SLC25A48: variants seen among roughly 807,000 people sequenced by gnomAD.
SLC25A48 encodes CTC-321K16.1.
A neutral mutation model predicts 32.2 loss-of-function variants in SLC25A48; 29 were observed. That is an observed-to-expected ratio of 0.90 (90% CI 0.67 to 1.23). The LOEUF is 1.23. SLC25A48 is among the 50% of genes most tolerant of loss of function. The pLI is 0.00. For missense variants in SLC25A48, 399 were observed against 422.7 expected, an observed-to-expected ratio of 0.94 and a Z score of 0.49; for synonymous variants, 164 against 172.3, an observed-to-expected ratio of 0.95 and a Z score of 0.38.
chr5:135,864,095 G>A (rs1761010617), intron 4 of SLC25A48, among the ~76,000 whole-genome samples: 1 of 152,184 alleles, frequency 6.6e-6, no homozygotes, highest in Non-Finnish European at 1.5e-5. Flanking sequence ...GACAAGAGCA[G>A]ACAAGCTGGG....
chr5:135,758,837 A>T (rs1333057376), intron 3 of SLC25A48, among the ~76,000 whole-genome samples: 1 of 150,790 alleles, frequency 6.6e-6, no homozygotes, highest in African/African-American at 2.4e-5. Flanking sequence ...TATTAATAGA[A>T]TATTATCTAT....
At chr5:135,838,204 A>T (rs914607312) in intron 1 of SLC25A48, among the ~76,000 whole-genome samples, 6 of 152,182 alleles carry the variant, frequency 3.9e-5, no homozygotes, top group African/African-American at 1.4e-4. Flanking sequence ...GGAACTTTGA[A>T]CTTGAGAGAG....
At chr5:135,754,432 G>T (rs995751202) in intron 3 of SLC25A48, among the ~76,000 whole-genome samples, 1 of 151,806 alleles carries the variant, frequency 6.6e-6, no homozygotes, top group African/African-American at 2.4e-5. Flanking sequence ...GAGTGTTTAT[G>T]CTGTGATATT....
chr5:135,862,019 G>T (rs1026963803), intron 4 of SLC25A48, among the ~76,000 whole-genome samples: 1 of 152,234 alleles, frequency 6.6e-6, no homozygotes, highest in Non-Finnish European at 1.5e-5. Context: ...TGACAGTAAG[G>T]CACCTGTGAA....
intron 4 of SLC25A48, among the ~76,000 whole-genome samples, chr5:135,827,896 G>C (rs900769904): frequency 2.6e-5 from 4 of 152,184 alleles, no homozygotes; most frequent in African/African-American, 9.7e-5. Context: ...TGCCCCCAAA[G>C]GAACAGACAG....
At chr5:135,688,312 G>T (rs1754065639) in intron 3 of SLC25A48, among the ~76,000 whole-genome samples, 1 of 151,912 alleles carries the variant, frequency 6.6e-6, no homozygotes, top group Non-Finnish European at 1.5e-5. Context: ...GTTTCTCTCA[G>T]GCTTTTTTTT....
intron 3 of SLC25A48, among the ~76,000 whole-genome samples, chr5:135,656,259 A>G (rs1360798650): frequency 6.6e-6 from 1 of 151,108 alleles, no homozygotes; most frequent in African/African-American, 2.5e-5. Context: ...TCAGGACCAC[A>G]TTGGCCAGCA....
At chr5:135,586,838 T>C (rs1307683831) in intron 1 of SLC25A48, among the ~76,000 whole-genome samples, 2 of 152,060 alleles carry the variant, frequency 1.3e-5, no homozygotes, top group African/African-American at 4.8e-5. Context: ...GCTGAGGAGT[T>C]TGGGCTTCAT....
chr5:135,842,465 G>A lies in SLC25A48; in HGVS notation c.90+6G>A, dbSNP rs1298419985. ...ACCCTCTGGACACAGTCAAGGTACA[G>A]TAGCCATGTTTCCCATTACCTCTTA... On this transcript the variant is annotated splice_donor_region_variant and intron_variant, in intron 2 of 7. Coordinates refer to ENST00000681962, the MANE Select transcript of SLC25A48 (RefSeq NM_001349336.2). The A allele has an allele frequency of 6.2e-7, 1 of 1,613,298 alleles. No homozygotes were observed. Among genetic ancestry groups the A allele is most frequent in the African/African-American group, 1.3e-5 (1 of 74,922 alleles).
In SLC25A48 at chr5:135,842,563, C is replaced by A; in HGVS notation, c.90+104C>A. 5 of 1,219,004 alleles carry A rather than the reference C, an allele frequency of 4.1e-6. 1 individual carries two copies. In the South Asian group the frequency reaches 5.0e-5, roughly 12 times the overall value. 75.5% of individuals were successfully genotyped at this position (1,219,004 alleles called of 1,614,324 possible). A position where few individuals can be genotyped will look rare whatever the true frequency, so the allele number is the denominator to read the frequency against. On this transcript the variant is annotated intron_variant, in intron 2 of 7. Coordinates refer to ENST00000681962, the MANE Select transcript of SLC25A48 (RefSeq NM_001349336.2). ...CTAATCTCTCAGAGAGTCTTCTGCC[C>A]AGGGCAGACTCTCTGTTGCCAGTCC...
At chr5:135,674,243 G>A (rs559012825) in intron 3 of SLC25A48, among the ~76,000 whole-genome samples, 1 of 152,004 alleles carries the variant, frequency 6.6e-6, no homozygotes, top group South Asian at 2.1e-4. Flanking sequence ...TGGAGTGTCC[G>A]TCACTTCGAG....
intron 3 of SLC25A48, among the ~76,000 whole-genome samples, chr5:135,644,733 C>T (rs1158454843): frequency 6.6e-6 from 1 of 152,096 alleles, no homozygotes; most frequent in Non-Finnish European, 1.5e-5. Context: ...TGGAACTTTT[C>T]CCCAGAGATT....
At chr5:135,818,054 CCTCTCTCTCTCTCTCT>C (rs58632457) in intron 4 of SLC25A48, among the ~76,000 whole-genome samples, 2,206 of 80,602 alleles carry the variant, frequency 0.027, 22 homozygotes, top group East Asian at 0.066. Flanking sequence ...TCTCTCTGTT[CCTCTCTCTCTCTCTCT>C]CTCTCTCTCT....
At chr5:135,618,248 G>A (rs1273804132) in intron 1 of SLC25A48, among the ~76,000 whole-genome samples, 1 of 151,882 alleles carries the variant, frequency 6.6e-6, no homozygotes, top group Non-Finnish European at 1.5e-5. Flanking sequence ...CTTACTTTTG[G>A]TTTCTATTTG....
chr5:135,792,082 T>C (rs866123339), intron 3 of SLC25A48, among the ~76,000 whole-genome samples: 1 of 151,822 alleles, frequency 6.6e-6, no homozygotes, highest in Non-Finnish European at 1.5e-5. Flanking sequence ...TTACTCCTAA[T>C]GTCACAGTGG....
chr5:135,713,701 T>G (rs144765036), intron 3 of SLC25A48, among the ~76,000 whole-genome samples: 11 of 152,274 alleles, frequency 7.2e-5, no homozygotes, highest in South Asian at 2.1e-4. Context: ...AGCAGACAGA[T>G]TTGAGTGTTC....
At chr5:135,814,638 C>G (rs773619620) in intron 4 of SLC25A48, among the ~76,000 whole-genome samples, 4 of 152,188 alleles carry the variant, frequency 2.6e-5, no homozygotes, top group Non-Finnish European at 4.4e-5. Context: ...GTCAGAGGGA[C>G]CTGGGACCAG....
intron 4 of SLC25A48, among the ~76,000 whole-genome samples, chr5:135,869,479 A>G (rs1203243961): frequency 6.6e-6 from 1 of 152,176 alleles, no homozygotes; most frequent in Non-Finnish European, 1.5e-5. Flanking sequence ...GTGTTTTCCC[A>G]TCTGTACTTT....
intron 5 of SLC25A48, chr5:135,872,369 T>C (rs1200825220): frequency 6.5e-6 from 1 of 152,968 alleles, no homozygotes; most frequent in Non-Finnish European, 1.5e-5. Context: ...CTTCTACTCC[T>C]CTCCCCTTCC....
Sources: allele counts gnomAD v4.1 joint callset (sites outside exome capture counted in the v4.1 genomes callset), GRCh38; gene constraint gnomAD v4.1.1; transcripts MANE v1.5; gene names NCBI Gene and HGNC (gene_info 2026-07-23, HGNC 2026-07-21).